The following PCDHGA2 variants were observed in gnomAD, a reference collection of about 807,000 sequenced individuals.
PCDHGA2 encodes the protein protocadherin gamma subfamily A, 2.
A neutral mutation model predicts 59.2 loss-of-function variants in PCDHGA2; 40 were observed. That is an observed-to-expected ratio of 0.68 (90% confidence interval 0.52 to 0.88). PCDHGA2 has a LOEUF of 0.88. PCDHGA2 is among the 40% of genes least tolerant of loss of function. The pLI, the probability that PCDHGA2 is intolerant of heterozygous loss-of-function variation, is 0.00. For synonymous variants in PCDHGA2, 560 were observed against 526.0 expected (o/e 1.06, Z -0.89); for missense variants, 1,226 against 1,204.0 (o/e 1.02, Z -0.27).
chr5:141,399,745 G>A (rs1472441281), intron 1 of PCDHGA2: 2 of 1,613,194 alleles, frequency 1.2e-6, no homozygotes, highest in African/African-American at 2.7e-5. Flanking sequence ...TGCGCTCAGC[G>A]CAAACGTGAG....
At chr5:141,415,909 C>A in intron 1 of PCDHGA2, 1 of 761,030 alleles carries the variant, frequency 1.3e-6, no homozygotes, top group Non-Finnish European at 1.8e-6. Flanking sequence ...GACTTCCATA[C>A]AGAAGTGCCT....
intron 1 of PCDHGA2, chr5:141,393,090 G>T: frequency 6.2e-7 from 1 of 1,613,626 alleles, no homozygotes; most frequent in South Asian, 1.1e-5. Flanking sequence ...GATAGATCGG[G>T]AGGAGCTCTG....
At chr5:141,437,878 C>A (rs1047761465) in intron 1 of PCDHGA2, among the ~76,000 whole-genome samples, 13 of 151,996 alleles carry the variant, frequency 8.6e-5, no homozygotes, top group Non-Finnish European at 1.5e-4. Flanking sequence ...GCTGGGACTA[C>A]AGGCACACGC....
intron 1 of PCDHGA2, chr5:141,352,241 G>A: frequency 6.2e-7 from 1 of 1,614,080 alleles, no homozygotes; most frequent in Non-Finnish European, 8.5e-7. Flanking sequence ...CCTAATCTTC[G>A]CGGATAGCCT....
Position 141,477,889 on chromosome 5 carries a change from A to T in PCDHGA2, c.2425-16918A>T. 1 of 1,614,152 alleles carries T rather than the reference A, an allele frequency of 6.2e-7. No homozygotes were observed. Among genetic ancestry groups the T allele is most frequent in the Admixed American group, 1.7e-5 (1 of 60,016 alleles). On this transcript the variant is annotated intron_variant, in intron 1 of 3. Coordinates refer to ENST00000394576, the MANE Select transcript of PCDHGA2 (RefSeq NM_018915.4). This position sits in a 1 kb window ranked among gnomAD's most constrained non-coding sequence, Gnocchi z 4.9. The stretch of plus-strand genomic sequence containing the variant: ...GTACCTCAGCTGGCCACCTAGTGTC[A>T]CGGGTGGTAGGCTGGGACGCGGATG...
rs202162316 is a variant in PCDHGA2, at chr5:141,490,194, T to C, written c.2425-4613T>C. ...TTGAGGAGTCACGTTTCTATGAAAT[T>C]CATGCAAGAGCCCGTGACCAGGGAC... is the stretch of plus-strand genomic sequence containing the variant. On this transcript the variant is annotated intron_variant, in intron 1 of 3. Transcript: ENST00000394576. The surrounding 1 kb of genome is among the most constrained non-coding windows in gnomAD (Gnocchi z 5.4). The C allele has an allele frequency of 8.1e-6, 13 of 1,614,186 alleles. No individual in the cohort carries two copies. The highest frequency in any genetic ancestry group is 1.1e-5 in the Non-Finnish European group (13 of 1,180,030).
chr5:141,396,134 A>G (rs970824771), intron 1 of PCDHGA2: 1 of 152,226 alleles, frequency 6.6e-6, no homozygotes, highest in East Asian at 1.9e-4. Context: ...CACAAGTTCT[A>G]AATAAGCTGA....
rs1561484300 is a variant in PCDHGA2 at position 141,341,337 on chromosome 5, A to G, written c.2366A>G (p.Asp789Gly). 3 of 1,614,090 alleles carry G rather than the reference A, an allele frequency of 1.9e-6. No individual in the cohort carries two copies. The highest frequency in any genetic ancestry group is 2.5e-6 in the Non-Finnish European group (3 of 1,180,046). ...LISQESCEKK[D>G]FLSAPQSLLE... ...AGCCAGGAGAGCTGTGAGAAAAAGGATTTTTTATCAGCGCCTCAATCTCTA... is the reference window on the plus strand; with the variant it reads ...AGCCAGGAGAGCTGTGAGAAAAAGGGTTTTTTATCAGCGCCTCAATCTCTA... Residue 789 changes from aspartate to glycine, a missense_variant, in exon 1 of 4, where the codon GAT becomes GGT. By Grantham distance (94) the Asp-to-Gly change is moderately conservative. Transcript: ENST00000394576.
rs768286784 is a variant in PCDHGA2 at position 141,361,660 on chromosome 5, G to T, written c.2424+20265G>T. The T allele has an allele frequency of 5.6e-6, 9 of 1,613,754 alleles. 1 individual carries two copies. The highest frequency in any genetic ancestry group is 2.2e-5 in the East Asian group (1 of 44,882). ...GATTTTATCCTACGTGTCCGTGAGC[G>T]CGCAGAGCGGGGTGGTGTTCGCGCA... On this transcript the variant is annotated intron_variant, in intron 1 of 3. Transcript: ENST00000394576.
At chr5:141,398,633 A>C (rs749131705) in intron 1 of PCDHGA2, 4 of 1,613,946 alleles carry the variant, frequency 2.5e-6, no homozygotes, top group Non-Finnish European at 3.4e-6. Flanking sequence ...TCTCTGCAGA[A>C]GTATAAACTC....
intron 2 of PCDHGA2, among the ~76,000 whole-genome samples, chr5:141,502,002 C>T (rs1434269040): frequency 1.3e-5 from 2 of 152,164 alleles, no homozygotes; most frequent in South Asian, 2.1e-4. Context: ...CCTGACAACC[C>T]GCATGCTCTC....
At chr5:141,393,406 G>A (rs762034418) in intron 1 of PCDHGA2, 1 of 1,614,026 alleles carries the variant, frequency 6.2e-7, no homozygotes, top group Admixed American at 1.7e-5. Flanking sequence ...GTGCTGGAGC[G>A]CGCCCTGGAC....
intron 1 of PCDHGA2, chr5:141,361,395 C>T: frequency 1.2e-6 from 2 of 1,614,022 alleles, no homozygotes; most frequent in Non-Finnish European, 1.7e-6. Flanking sequence ...AATACAATCT[C>T]ACCATCACAG....
intron 1 of PCDHGA2, chr5:141,355,945 G>A: frequency 1.2e-6 from 2 of 1,613,848 alleles, no homozygotes; most frequent in East Asian, 4.5e-5. Flanking sequence ...CGAGTACCAC[G>A]TAAGTGTTCG....
intron 2 of PCDHGA2, among the ~76,000 whole-genome samples, chr5:141,495,902 C>T (rs749735668): frequency 2.6e-5 from 4 of 152,120 alleles, no homozygotes; most frequent in Non-Finnish European, 2.9e-5. Context: ...TTGTCTCTGT[C>T]TCTGTATATC....
Position 141,341,045 on chromosome 5 carries a change from T to G in PCDHGA2, c.2074T>G (p.Tyr692Asp), listed in dbSNP as rs185936268. 1 of 1,614,076 alleles carries G rather than the reference T, an allele frequency of 6.2e-7. No homozygotes were observed. The highest frequency in any genetic ancestry group is 2.2e-5 in the East Asian group (1 of 44,864). Residue 692 changes from tyrosine to aspartate, a missense_variant, in exon 1 of 4, where the codon TAC becomes GAC. By Grantham distance (160) the Tyr-to-Asp change is radical (BLOSUM62 -3). Coordinates refer to ENST00000394576, the MANE Select transcript of PCDHGA2 (RefSeq NM_018915.4). ...AIPNDSDLTL[Y>D]LVVAVAAVSC... ...ACCCAACGATTCGGACCTCACTCTG[T>G]ACCTGGTGGTGGCGGTGGCCGCGGT... is the stretch of plus-strand genomic sequence containing the variant.
At chr5:141,498,419 G>A (rs78940285) in intron 2 of PCDHGA2, among the ~76,000 whole-genome samples, 4,023 of 152,260 alleles carry the variant, frequency 0.026, 75 homozygotes, top group Non-Finnish European at 0.043. Flanking sequence ...TGCTGGCACT[G>A]GAGTGAGGGG....
At chr5:141,378,732 A>G (rs1311282729) in intron 1 of PCDHGA2, 1 of 152,232 alleles carries the variant, frequency 6.6e-6, no homozygotes, top group Admixed American at 6.5e-5. Context: ...CTCTTTATTG[A>G]AATATTTCAA....
At chr5:141,400,097 A>C (rs753507768) in intron 1 of PCDHGA2, 1 of 1,614,048 alleles carries the variant, frequency 6.2e-7, no homozygotes, top group South Asian at 1.1e-5. Context: ...GCCACGCTGC[A>C]CTTGGTCTTT....
Sources: gnomAD v4.1 joint callset for allele counts (sites outside exome capture counted in the v4.1 genomes callset) on GRCh38, gnomAD v4.1.1 for gene constraint, Gnocchi (gnomAD v3.1) non-coding constraint, MANE v1.5 for transcripts, NCBI Gene and HGNC (gene_info 2026-07-23, HGNC 2026-07-21) for gene names.